Variants in ZNF275 observed in about 807,000 individuals in gnomAD.
ZNF275 encodes the protein zinc finger protein 275.
A neutral mutation model predicts 4.3 loss-of-function variants in ZNF275; 4 were observed. That is an observed-to-expected ratio of 0.93 (90% CI 0.46 to 2.13). The LOEUF (loss-of-function observed/expected upper bound fraction) is 2.13, where lower values mean the gene tolerates loss of function less well. Ranked by LOEUF, ZNF275 falls within the 30% of genes most tolerant of loss-of-function variation. ZNF275 has a pLI of 0.02. For missense variants in ZNF275, 352 were observed against 397.1 expected (o/e 0.89, Z 0.97); for synonymous variants, 173 against 166.9 (o/e 1.04, Z -0.28).
At chrX:153,341,966 T>C (rs1481971860) in intron 2 of ZNF275, among the ~76,000 whole-genome samples, 3 of 111,829 alleles carry the variant, frequency 2.7e-5, no homozygotes, top group Non-Finnish European at 1.9e-5. Context: ...GAGCTTACAG[T>C]TTTCATCAAA....
Position 153,345,591 on chromosome X carries a change from T to C in ZNF275, c.103T>C (p.Ser35Pro). Residue 35 changes from serine (S) to proline (P), a missense_variant, in exon 3 of 4, where the codon TCG (serine) becomes CCG (proline). Ser to Pro is a moderately conservative substitution (Grantham distance 74, BLOSUM62 -1). Coordinates refer to ENST00000650114, the MANE Select transcript of ZNF275 (RefSeq NM_001367757.1). ...ACAAGTGCTACTGGTGTCAGACCCA[T>C]CGCCCAACACTGATCCTGCTAAGTA... Reference protein sequence around the residue: ...QGQVLLVSDPSPNTDPAKYSE... With the variant: ...QGQVLLVSDPPPNTDPAKYSE... The C allele has an allele frequency of 1.7e-6, 2 of 1,210,100 alleles. No individual in the cohort carries two copies. Among genetic ancestry groups the C allele is most frequent in the Non-Finnish European group, 2.2e-6 (2 of 893,991 alleles).
rs1556961957 is a variant in ZNF275 at position 153,348,447 on chromosome X, A to C, written c.*472A>C. The C allele has an allele frequency of 8.1e-6, 1 of 123,411 alleles. No homozygotes were observed. Among genetic ancestry groups the C allele is most frequent in the African/African-American group, 3.2e-5 (1 of 30,801 alleles). The allele number at this position is 123,411 out of a possible 1,213,427, so 10.2% of individuals were successfully genotyped here. On this transcript the variant is annotated 3_prime_UTR_variant, in exon 4 of 4. Coordinates refer to ENST00000650114, the MANE Select transcript of ZNF275 (RefSeq NM_001367757.1). ...TAAATAGAACACTCAAATGTCTTAA[A>C]ATATTTAATTTATTAATTTAGTTAT...
At position 153,347,490 on chromosome X, in the gene ZNF275, G is replaced by A. The variant is rs2088526425; in HGVS notation, c.805G>A (p.Asp269Asn). Residue 269 changes from aspartate to asparagine, a missense_variant, in exon 4 of 4, where the codon GAC becomes AAC. Asp to Asn is a conservative substitution (Grantham distance 23). Coordinates refer to ENST00000650114, the MANE Select transcript of ZNF275 (RefSeq NM_001367757.1). Reference sequence around the variant, plus strand: ...TGGCCACCTGCCCTTCGACTGCGACGACTGCGGCAAGTCCTTCCGAGGGGT... The same window carrying A: ...TGGCCACCTGCCCTTCGACTGCGACAACTGCGGCAAGTCCTTCCGAGGGGT... Reference protein sequence around the residue: ...HTGHLPFDCDDCGKSFRGVNG... With the variant: ...HTGHLPFDCDNCGKSFRGVNG... 8.3e-7 allele frequency: 1 copy of A among 1,203,358 alleles called. No homozygotes were observed. Among genetic ancestry groups the A allele is most frequent in the Admixed American group, 2.2e-5 (1 of 45,604 alleles).
chrX:153,348,232 TGA>T lies in ZNF275; in HGVS notation c.*263_*264del, dbSNP rs1442186879. ...AGTCCACATGCCTTGAATCCAAGAA[TGA>T]GAGAGGACAAATCTGGATGTGGGGT... On this transcript the variant is annotated 3_prime_UTR_variant, in exon 4 of 4. Transcript: ENST00000650114. The T allele has an allele frequency of 1.7e-5, 3 of 180,225 alleles. No homozygotes were observed. The highest frequency in any genetic ancestry group is 9.4e-5 in the African/African-American group (3 of 31,875). The allele number at this position is 180,225 out of a possible 1,213,427, so 14.9% of individuals were successfully genotyped here. A position where few individuals can be genotyped will look rare whatever the true frequency, so the allele number is the denominator to read the frequency against.
rs1474163047 is a variant in ZNF275, at chrX:153,350,640, G to A, written c.*2665G>A. 1.6e-5 allele frequency: 2 copies of A among 123,891 alleles called. No homozygotes were observed. Among genetic ancestry groups the A allele is most frequent in the Non-Finnish European group, 3.8e-5 (2 of 53,297 alleles). 10.2% of individuals were successfully genotyped at this position (123,891 alleles called of 1,213,427 possible). ...CCCTTCTCGTGGGCCCACCAAGGCT[G>A]AGGCAGAGCTTCCTAGCAGACACAA... is the stretch of plus-strand genomic sequence containing the variant. On this transcript the variant is annotated 3_prime_UTR_variant, in exon 4 of 4. Transcript: ENST00000650114.
chrX:153,347,106 G>T lies in ZNF275; in HGVS notation c.421G>T (p.Val141Leu). The change falls in exon 4 of 4, where the codon GTG becomes TTG. Residue 141 changes from valine (V) to leucine (L), a missense_variant. Physicochemically the swap from Val to Leu is conservative, Grantham distance 32 (BLOSUM62 1). Transcript: ENST00000650114. ...CGACTGCGGGAAGGTCTTTAGGGGG[G>T]TGGCGGAGTTTAATGAGCACAGGAA... is the stretch of plus-strand genomic sequence containing the variant. ...CGDCGKVFRG[V>L]AEFNEHRKSH... The T allele has an allele frequency of 8.3e-7, 1 of 1,211,494 alleles. No individual in the cohort carries two copies. Among genetic ancestry groups the T allele is most frequent in the Non-Finnish European group, 1.1e-6 (1 of 895,331 alleles).
At chrX:153,343,593 A>G (rs782192183) in intron 2 of ZNF275, 5 of 270,161 alleles carry the variant, frequency 1.9e-5, no homozygotes, top group South Asian at 1.8e-4. Context: ...TGTCATGTGT[A>G]CCTGTCTTGC....
At position 153,351,493 on chromosome X, in the gene ZNF275, CAT is replaced by C. The variant is rs1214057623; in HGVS notation, c.*3519_*3520del. 1 of 115,164 alleles carries C rather than the reference CAT, an allele frequency of 8.7e-6. No individual in the cohort carries two copies. Among genetic ancestry groups the C allele is most frequent in the Non-Finnish European group, 1.9e-5 (1 of 53,097 alleles). 9.5% of individuals were successfully genotyped at this position (115,164 alleles called of 1,213,427 possible). On this transcript the variant is annotated 3_prime_UTR_variant, in exon 4 of 4. Coordinates refer to ENST00000650114, the MANE Select transcript of ZNF275 (RefSeq NM_001367757.1). ...TCCCGATCCTTTTGTAGTTCATACA[CAT>C]GACAATTGGGTTTCCACGCACGTGC...
intron 3 of ZNF275, 31 bp downstream of exon 3, chrX:153,345,652 G>A: frequency 1.8e-6 from 2 of 1,142,470 alleles, no homozygotes; most frequent in Non-Finnish European, 1.2e-6. Flanking sequence ...AGGAAATTGG[G>A]GGAGACCCAA....
At chrX:153,334,779 G>A (rs1556960413) in intron 1 of ZNF275, among the ~76,000 whole-genome samples, 1 of 109,460 alleles carries the variant, frequency 9.1e-6, no homozygotes, top group Non-Finnish European at 1.9e-5. Flanking sequence ...TCTAGGGGAG[G>A]GACTGAGCCG....
At position 153,347,565 on chromosome X, in the gene ZNF275, G is replaced by C. The variant is rs782522654; in HGVS notation, c.880G>C (p.Gly294Arg). The C allele has an allele frequency of 4.2e-6, 5 of 1,189,466 alleles. No homozygotes were observed. Among genetic ancestry groups the C allele is most frequent in the South Asian group, 3.8e-5 (2 of 52,925 alleles). ...CATCCACAGTGGGGCCAAGCCATAC[G>C]GGTGTCCCCACTGCGGCAAGCTCTT... ...QRIHSGAKPY[G>R]CPHCGKLFRR... Residue 294 changes from glycine to arginine, a missense_variant, in exon 4 of 4, where the codon GGG becomes CGG. Coordinates refer to ENST00000650114, the MANE Select transcript of ZNF275 (RefSeq NM_001367757.1).
At chrX:153,346,405 G>A (rs1167495694) in intron 3 of ZNF275, among the ~76,000 whole-genome samples, 2 of 110,424 alleles carry the variant, frequency 1.8e-5, no homozygotes, top group African/African-American at 3.3e-5. Flanking sequence ...AGGGTTGGGG[G>A]TCCCAGCTGA....
chrX:153,336,456 G>A (rs1036654316), intron 1 of ZNF275, among the ~76,000 whole-genome samples, 178 bp from the exon 2 acceptor site: 2 of 112,939 alleles, frequency 1.8e-5, no homozygotes, highest in African/African-American at 6.4e-5. Context: ...GTGGCCCAGG[G>A]CTTGGCTCAA....
chrX:153,348,431 C>T lies in ZNF275; in HGVS notation c.*456C>T, dbSNP rs1404341931. On this transcript the variant is annotated 3_prime_UTR_variant, in exon 4 of 4. Coordinates refer to ENST00000650114, the MANE Select transcript of ZNF275 (RefSeq NM_001367757.1). Reference sequence around the variant, plus strand: ...TAAATTTTTAGGGATGTAAATAGAACACTCAAATGTCTTAAAATATTTAAT... The same window carrying T: ...TAAATTTTTAGGGATGTAAATAGAATACTCAAATGTCTTAAAATATTTAAT... 2 of 123,151 alleles carry T rather than the reference C, an allele frequency of 1.6e-5. No homozygotes were observed. The highest frequency in any genetic ancestry group is 3.8e-5 in the Non-Finnish European group (2 of 53,277). The allele number at this position is 123,151 out of a possible 1,213,427, so 10.1% of individuals were successfully genotyped here.
chrX:153,347,761 G>A lies in ZNF275; in HGVS notation c.1076G>A (p.Arg359His). 5 of 1,208,960 alleles carry A rather than the reference G, an allele frequency of 4.1e-6. No homozygotes were observed. Among genetic ancestry groups the A allele is most frequent in the Non-Finnish European group, 4.5e-6 (4 of 893,780 alleles). The change falls in exon 4 of 4, where the codon CGT (arginine) becomes CAT (histidine). Residue 359 changes from arginine to histidine, a missense_variant. By Grantham distance (29) the Arg-to-His change is conservative. Coordinates refer to ENST00000650114, the MANE Select transcript of ZNF275 (RefSeq NM_001367757.1). ...YACGECGKAF[R>H]GPSDLIKHRR... is the part of the protein sequence containing the mutation. ...TGCGGCGAGTGTGGCAAGGCCTTCCGTGGGCCCTCTGACCTCATCAAGCAC... is the reference window on the plus strand; with the variant it reads ...TGCGGCGAGTGTGGCAAGGCCTTCCATGGGCCCTCTGACCTCATCAAGCAC...
At chrX:153,344,033 G>C (rs1357729715) in intron 2 of ZNF275, among the ~76,000 whole-genome samples, 2 of 112,290 alleles carry the variant, frequency 1.8e-5, no homozygotes, top group African/African-American at 6.5e-5. Flanking sequence ...AACAAGATCA[G>C]AAACCAAGGA....
At chrX:153,343,737 G>T (rs1556961217) in intron 2 of ZNF275, among the ~76,000 whole-genome samples, 1 of 111,288 alleles carries the variant, frequency 9.0e-6, no homozygotes, top group Non-Finnish European at 1.9e-5. Flanking sequence ...GTTGGAAAGG[G>T]TCTCTCATTT....
intron 2 of ZNF275, among the ~76,000 whole-genome samples, chrX:153,343,798 C>G (rs1240731972): frequency 8.9e-6 from 1 of 112,102 alleles, no homozygotes; most frequent in Non-Finnish European, 1.9e-5. Flanking sequence ...TGTGCAGCAT[C>G]AGCATGGACT....
At position 153,348,776 on chromosome X, in the gene ZNF275, C is replaced by T. The variant is rs2088538441; in HGVS notation, c.*801C>T. ...TTCTCTTGTCGTTTTTTAATCTGTC[C>T]TGTGACTGTACAATATAACCACTTA... On this transcript the variant is annotated 3_prime_UTR_variant, in exon 4 of 4. Coordinates refer to ENST00000650114, the MANE Select transcript of ZNF275 (RefSeq NM_001367757.1). 1 of 123,664 alleles carries T rather than the reference C, an allele frequency of 8.1e-6. No homozygotes were observed. The highest frequency in any genetic ancestry group is 3.7e-4 in the South Asian group (1 of 2,718). 10.2% of individuals were successfully genotyped at this position (123,664 alleles called of 1,213,427 possible).
Sources: gnomAD v4.1 joint callset for allele counts (sites outside exome capture counted in the v4.1 genomes callset) on GRCh38, gnomAD v4.1.1 for gene constraint, MANE v1.5 for transcripts, NCBI Gene and HGNC (gene_info 2026-07-23, HGNC 2026-07-21) for gene names.